Variants in MAP3K13 observed in about 807,000 individuals in gnomAD.
The protein encoded by MAP3K13 is mitogen-activated protein kinase kinase kinase 13, also known as leucine zipper-bearing kinase.
MAP3K13 carries 52 observed loss-of-function variants against 104.0 expected under a neutral mutation model. That is an observed-to-expected ratio of 0.50 (90% CI 0.40 to 0.63). The LOEUF is 0.63. Among genes scored for constraint, MAP3K13 ranks in the 20% least tolerant of loss-of-function variants. The pLI is 0.00. For synonymous variants in MAP3K13, 394 were observed against 442.2 expected, an observed-to-expected ratio of 0.89 and a Z score of 1.37; for missense variants, 914 against 1,218.5, an observed-to-expected ratio of 0.75 and a Z score of 3.72.
intron 7 of MAP3K13, among the ~76,000 whole-genome samples, chr3:185,455,161 ATATATAT>A (rs1244784367): frequency 1.0e-4 from 5 of 49,994 alleles, no homozygotes; most frequent in Non-Finnish European, 2.2e-4. Context: ...GATATATATG[ATATATAT>A]GAGATATATA....
intron 1 of MAP3K13, among the ~76,000 whole-genome samples, chr3:185,390,614 A>G (rs1419866194): frequency 2.7e-5 from 4 of 148,762 alleles, no homozygotes; most frequent in South Asian, 4.2e-4. Flanking sequence ...ATCACTTTAC[A>G]GTCAGAATTT....
At position 185,297,392 on chromosome 3, in the gene MAP3K13, C is replaced by A. The variant is rs542617364; in HGVS notation, c.-86+11749C>A. On this transcript the variant is annotated intron_variant, in intron 2 of 14. Transcript: ENST00000424227. ...TCTAATCATGAGGTAGCATGAGAGTCCAGTGGTTGTGGCTTCCTTCCTTTT... is the reference window on the plus strand; with the variant it reads ...TCTAATCATGAGGTAGCATGAGAGTACAGTGGTTGTGGCTTCCTTCCTTTT... 2.0e-5 allele frequency among the ~76,000 whole-genome samples: 3 copies of A among 152,260 alleles called. No individual in the cohort carries two copies. In the East Asian group the frequency reaches 5.8e-4, roughly 29 times the overall value.
chr3:185,345,667 A>G (rs949587432), intron 2 of MAP3K13, among the ~76,000 whole-genome samples: 6 of 152,108 alleles, frequency 3.9e-5, no homozygotes, highest in Non-Finnish European at 7.4e-5. Flanking sequence ...ATTGTCTCCC[A>G]TCACCTCCAG....
At position 185,488,291 on chromosome 3, in the gene MAP3K13, T is replaced by C. The variant is rs1029869344; in HGVS notation, c.*5835T>C. The C allele has an allele frequency of 6.6e-6, 1 of 152,166 alleles. No individual in the cohort carries two copies. The highest frequency in any genetic ancestry group is 1.5e-5 in the Non-Finnish European group (1 of 68,034). The allele number at this position is 152,166 out of a possible 1,614,324, so 9.4% of individuals were successfully genotyped here. ...CTTTGCTGATTTCATAGGACAAATATCCTAGCATACTCACACCACCAGTGT... is the reference window on the plus strand; with the variant it reads ...CTTTGCTGATTTCATAGGACAAATACCCTAGCATACTCACACCACCAGTGT... On this transcript the variant is annotated 3_prime_UTR_variant, in exon 14 of 14. Transcript: ENST00000265026.
intron 2 of MAP3K13, among the ~76,000 whole-genome samples, chr3:185,339,995 CTT>C (rs10712523): frequency 8.8e-5 from 13 of 148,234 alleles, no homozygotes; most frequent in East Asian, 2.0e-4. Context: ...ATTTCTTTTC[CTT>C]TTTTTTTTTG....
upstream of MAP3K13, among the ~76,000 whole-genome samples, chr3:185,361,193 C>T (rs935308665): frequency 3.4e-5 from 5 of 148,126 alleles, no homozygotes; most frequent in African/African-American, 9.9e-5. Flanking sequence ...TATATATATA[C>T]ACACACACAC....
intron 2 of MAP3K13, among the ~76,000 whole-genome samples, chr3:185,302,583 C>A (rs1211667086): frequency 6.6e-6 from 1 of 151,806 alleles, no homozygotes; most frequent in East Asian, 1.9e-4. Context: ...TTATTTTATT[C>A]TTTTTGATGC....
At chr3:185,400,535 C>A (rs1014472085) in intron 1 of MAP3K13, among the ~76,000 whole-genome samples, 1 of 152,170 alleles carries the variant, frequency 6.6e-6, no homozygotes, top group African/African-American at 2.4e-5. Flanking sequence ...AGCAGAATAG[C>A]AAATATCTAA....
chr3:185,301,847 C>T (rs1721120052), intron 2 of MAP3K13, among the ~76,000 whole-genome samples: 1 of 152,132 alleles, frequency 6.6e-6, no homozygotes, highest in Admixed American at 6.5e-5. Context: ...TATGCCAGTA[C>T]TATTCTGTTT....
intron 1 of MAP3K13, among the ~76,000 whole-genome samples, chr3:185,364,644 A>G (rs370758813): frequency 6.6e-6 from 1 of 152,140 alleles, no homozygotes; most frequent in Non-Finnish European, 1.5e-5. Flanking sequence ...CAAACTTATC[A>G]TACCTGAGGA....
intron 1 of MAP3K13, among the ~76,000 whole-genome samples, chr3:185,402,946 C>A (rs1449805194): frequency 2.6e-5 from 4 of 152,044 alleles, no homozygotes; most frequent in Non-Finnish European, 5.9e-5. Flanking sequence ...GCCCAGGAGA[C>A]AAAACGTCCT....
rs147690863 is a variant in MAP3K13, at chr3:185,428,759, G to A, written c.178G>A (p.Val60Met). ...GGTACGAACAGAGCTAATCGAGAGC[G>A]TGCACAGCCCCGTCACCACAACAGT... ...GMVRTELIES[V>M]HSPVTTTVLT... is the part of the protein sequence containing the mutation. The change falls in exon 2 of 14, where the codon GTG becomes ATG. Residue 60 changes from valine (V) to methionine (M), a missense_variant. By Grantham distance (21) the Val-to-Met change is conservative (BLOSUM62 1). Coordinates refer to ENST00000265026, the MANE Select transcript of MAP3K13 (RefSeq NM_004721.5). 1,987 of 1,614,182 alleles carry A rather than the reference G, an allele frequency of 1.2e-3. 8 individuals carry two copies. Among genetic ancestry groups the A allele is most frequent in the Non-Finnish European group, 1.1e-3 (1,339 of 1,180,034 alleles).
chr3:185,370,075 G>C (rs1190588013), intron 1 of MAP3K13, among the ~76,000 whole-genome samples: 1 of 152,154 alleles, frequency 6.6e-6, no homozygotes, highest in Non-Finnish European at 1.5e-5. Context: ...TCTTTTTAAT[G>C]CTAACATTGT....
chr3:185,342,031 A>G (rs1042952140), intron 2 of MAP3K13, among the ~76,000 whole-genome samples: 1 of 152,202 alleles, frequency 6.6e-6, no homozygotes, highest in Non-Finnish European at 1.5e-5. Flanking sequence ...CTGCCTTGTC[A>G]TGAGGAGACT....
intron 7 of MAP3K13, among the ~76,000 whole-genome samples, chr3:185,453,650 T>A (rs991594878): frequency 1.3e-5 from 2 of 151,276 alleles, no homozygotes; most frequent in African/African-American, 4.9e-5. Context: ...ACACCTGTAG[T>A]CCCAGCTACT....
intron 2 of MAP3K13, among the ~76,000 whole-genome samples, chr3:185,433,843 C>A (rs1269746098): frequency 6.6e-6 from 1 of 152,032 alleles, no homozygotes; most frequent in Non-Finnish European, 1.5e-5. Context: ...AGTAATTAGT[C>A]TGTTTATCAT....
In MAP3K13 at chr3:185,387,636, A is replaced by G. The variant is rs575479846; in HGVS notation, c.-86+24268A>G. Among the ~76,000 whole-genome samples, 11 of 152,292 alleles carry G rather than the reference A, an allele frequency of 7.2e-5. No homozygotes were observed. In the East Asian group the frequency reaches 2.1e-3, roughly 29 times the overall value. On this transcript the variant is annotated intron_variant, in intron 1 of 13. Coordinates refer to ENST00000265026, the MANE Select transcript of MAP3K13 (RefSeq NM_004721.5). The stretch of plus-strand genomic sequence containing the variant: ...ATTCAACATCCCTTCATGATCAAAA[A>G]CTTTCAACAAATTAGTCATAGAAGG...
intron 2 of MAP3K13, 87 bp downstream of exon 2, chr3:185,429,143 G>A: frequency 1.6e-6 from 2 of 1,286,570 alleles, no homozygotes; most frequent in Non-Finnish European, 2.2e-6. Context: ...GATAACCTAT[G>A]ACCTTTGGGC....
intron 2 of MAP3K13, among the ~76,000 whole-genome samples, chr3:185,305,871 C>T (rs556338307): frequency 6.6e-6 from 1 of 152,288 alleles, no homozygotes; most frequent in South Asian, 2.1e-4. Flanking sequence ...GATCCTGTCA[C>T]CCAGGTAGTG....
Sources: gnomAD v4.1 joint callset for allele counts (sites outside exome capture counted in the v4.1 genomes callset) on GRCh38, gnomAD v4.1.1 for gene constraint, MANE v1.5 for transcripts, NCBI Gene and HGNC (gene_info 2026-07-23, HGNC 2026-07-21) for gene names.